EPS8: variants seen among roughly 807,000 people sequenced by gnomAD.
The protein encoded by EPS8 is epidermal growth factor receptor kinase substrate 8.
Under a neutral mutation model 103.8 loss-of-function variants are expected in EPS8, and 42 were observed. The ratio of observed to expected loss-of-function variants is 0.40; its 90% CI spans 0.32 to 0.52. The LOEUF is 0.52. Among genes scored for constraint, EPS8 ranks in the 20% least tolerant of loss-of-function variants. The pLI, the probability that EPS8 is intolerant of heterozygous loss-of-function variation, is 0.40. For missense variants in EPS8, 969 were observed against 1,005.1 expected, an observed-to-expected ratio of 0.96 and a Z score of 0.49; for synonymous variants, 344 against 344.6, an observed-to-expected ratio of 1.00 and a Z score of 0.02.
rs1947230615 is a variant in EPS8, at chr12:15,778,603, T to C, written c.-22+10558A>G. ...CAGTAAGGACAACTCAATCTGAAGA[T>C]AGGGTTTCAAAAATTCACATTCCTG... On this transcript the variant is annotated intron_variant, in intron 1 of 20. Coordinates refer to ENST00000281172, the MANE Select transcript of EPS8 (RefSeq NM_004447.6). This position sits in a 1 kb window ranked among gnomAD's most constrained non-coding sequence, Gnocchi z 4.5. Among the ~76,000 whole-genome samples the C allele has an allele frequency of 6.6e-6, 1 of 152,202 alleles. No individual in the cohort carries two copies. The highest frequency in any genetic ancestry group is 1.5e-5 in the Non-Finnish European group (1 of 68,042).
chr12:15,757,480 A>C lies in EPS8; in HGVS notation c.-22+31681T>G, dbSNP rs537294810. 6.6e-6 allele frequency among the ~76,000 whole-genome samples: 1 copy of C among 152,106 alleles called. No homozygotes were observed. The highest frequency in any genetic ancestry group is 1.9e-4 in the East Asian group (1 of 5,188). ...CTCATCTCTACTAAAAAATACAAAA[A>C]TTAGCTAGGCGTGGTGGCGCATGCC... is the stretch of plus-strand genomic sequence containing the variant. On this transcript the variant is annotated intron_variant, in intron 1 of 20. Transcript: ENST00000281172. This position sits in a 1 kb window ranked among gnomAD's most constrained non-coding sequence, Gnocchi z 4.1.
chr12:15,669,576 T>A, intron 5 of EPS8, 40 bp from the exon 6 acceptor site: 1 of 1,568,800 alleles, frequency 6.4e-7, no homozygotes, highest in Non-Finnish European at 8.7e-7. Context: ...CAAACTTCCA[T>A]CCATTTTCAA....
intron 1 of EPS8, among the ~76,000 whole-genome samples, chr12:15,766,555 G>A (rs1056740414): frequency 6.6e-6 from 1 of 151,482 alleles, no homozygotes; most frequent in African/African-American, 2.4e-5. Context: ...TGGGGCTCCT[G>A]TAATCCCAGC....
In EPS8 at chr12:15,787,795, A is replaced by G. The variant is rs1947325820; in HGVS notation, c.-22+1366T>C. Among the ~76,000 whole-genome samples, 1 of 152,160 alleles carries G rather than the reference A, an allele frequency of 6.6e-6. No individual in the cohort carries two copies. Among genetic ancestry groups the G allele is most frequent in the Non-Finnish European group, 1.5e-5 (1 of 68,030 alleles). On this transcript the variant is annotated intron_variant, in intron 1 of 20. Transcript: ENST00000281172. The surrounding 1 kb of genome is among the most constrained non-coding windows in gnomAD (Gnocchi z 4.9). Reference sequence around the variant, plus strand: ...CTTACCCTTTATGTGACAATTCTATACTGTTTTAACTGTCAAATTGTAAGT... The same window carrying G: ...CTTACCCTTTATGTGACAATTCTATGCTGTTTTAACTGTCAAATTGTAAGT...
At chr12:15,660,425 G>A (rs913085024) in intron 10 of EPS8, among the ~76,000 whole-genome samples, 189 bp downstream of exon 10, 1 of 152,008 alleles carries the variant, frequency 6.6e-6, no homozygotes, top group South Asian at 2.1e-4. Context: ...CACCATGCCC[G>A]GCTAATTTTT....
chr12:15,753,561 G>A (rs1946955253), intron 1 of EPS8, among the ~76,000 whole-genome samples: 1 of 151,852 alleles, frequency 6.6e-6, no homozygotes, highest in Admixed American at 6.6e-5. Context: ...TTCCATTTGA[G>A]GGAGACCTTG....
chr12:15,766,943 A>G (rs896785439), intron 1 of EPS8, among the ~76,000 whole-genome samples: 1 of 152,198 alleles, frequency 6.6e-6, no homozygotes, highest in Non-Finnish European at 1.5e-5. Flanking sequence ...AGCAGGTCTC[A>G]CATTTTAAGA....
intron 3 of EPS8, among the ~76,000 whole-genome samples, chr12:15,674,109 T>C (rs1945862348): frequency 1.3e-5 from 2 of 152,216 alleles, no homozygotes. Flanking sequence ...GTTAATTAGT[T>C]GAACTACAAG....
chr12:15,629,392 G>A (rs1013253945), intron 18 of EPS8, among the ~76,000 whole-genome samples: 5 of 152,144 alleles, frequency 3.3e-5, no homozygotes, highest in Non-Finnish European at 7.3e-5. Context: ...ACGTCTCTAC[G>A]GAGGGAAATG....
chr12:15,782,990 C>T (rs76771230), intron 1 of EPS8, among the ~76,000 whole-genome samples: 33 of 152,234 alleles, frequency 2.2e-4, no homozygotes, highest in Non-Finnish European at 4.4e-4. Flanking sequence ...TGGTACAATA[C>T]CATAAACCTT....
intron 1 of EPS8, among the ~76,000 whole-genome samples, chr12:15,737,540 T>A (rs1001896570): frequency 6.6e-6 from 1 of 152,176 alleles, no homozygotes; most frequent in Non-Finnish European, 1.5e-5. Flanking sequence ...ACTCATTTAA[T>A]CCTCACAATG....
intron 1 of EPS8, among the ~76,000 whole-genome samples, chr12:15,709,421 C>T (rs1411098072): frequency 6.6e-6 from 1 of 151,868 alleles, no homozygotes; most frequent in African/African-American, 2.4e-5. Context: ...CTAATTACAC[C>T]ACGTGTCAAG....
At position 15,666,011 on chromosome 12, in the gene EPS8, G is replaced by A. The variant is rs111906764; in HGVS notation, c.600-119C>T. 1.1e-3 allele frequency: 1,193 copies of A among 1,049,314 alleles called. 2 individuals carry two copies. The highest frequency in any genetic ancestry group is 1.4e-3 in the Non-Finnish European group (981 of 724,450). 65.0% of individuals were successfully genotyped at this position (1,049,314 alleles called of 1,614,324 possible). ...AAAGAACTATGTCAAGGGACAATAAGGATTTCCTAAGCATTACACATTATG... is the reference window on the plus strand; with the variant it reads ...AAAGAACTATGTCAAGGGACAATAAAGATTTCCTAAGCATTACACATTATG... On this transcript the variant is annotated intron_variant, in intron 7 of 20. Transcript: ENST00000281172.
intron 14 of EPS8, among the ~76,000 whole-genome samples, chr12:15,648,521 A>T (rs1189491386): frequency 6.6e-6 from 1 of 152,208 alleles, no homozygotes; most frequent in Non-Finnish European, 1.5e-5. Flanking sequence ...ATAAAAATAA[A>T]CAAGTTTCAG....
chr12:15,624,231 G>A lies in EPS8; in HGVS notation c.2221C>T (p.Pro741Ser). The change falls in exon 19 of 21, where the codon CCT (proline) becomes TCT (serine). Residue 741 changes from proline to serine, a missense_variant. By Grantham distance (74) the Pro-to-Ser change is moderately conservative (BLOSUM62 -1). Coordinates refer to ENST00000281172, the MANE Select transcript of EPS8 (RefSeq NM_004447.6). The part of the protein sequence containing the change: ...KTWLQSKGFN[P>S]VTVNSLGVLN... ...AGTATTCACAGAGAGACTCACACAG[G>A]GTTGAATCCCTTTGACTGTAACCAC... 3.1e-6 allele frequency: 5 copies of A among 1,612,648 alleles called. No homozygotes were observed. The highest frequency in any genetic ancestry group is 4.2e-6 in the Non-Finnish European group (5 of 1,179,340).
At chr12:15,773,059 A>G (rs897602166) in intron 1 of EPS8, among the ~76,000 whole-genome samples, 3 of 152,194 alleles carry the variant, frequency 2.0e-5, no homozygotes, top group African/African-American at 7.2e-5. Flanking sequence ...GAAACCATAG[A>G]CATTAAGCTT....
chr12:15,627,261 C>T (rs1944964696), intron 18 of EPS8, among the ~76,000 whole-genome samples: 1 of 152,100 alleles, frequency 6.6e-6, no homozygotes, highest in Non-Finnish European at 1.5e-5. Context: ...ACCTTGGCCT[C>T]CCAAAGTGCT....
At chr12:15,648,420 T>C (rs1294927731) in intron 14 of EPS8, among the ~76,000 whole-genome samples, 1 of 152,202 alleles carries the variant, frequency 6.6e-6, no homozygotes, top group East Asian at 1.9e-4. Flanking sequence ...TTACCACAGT[T>C]AATTCTAATG....
chr12:15,636,063 AC>A (rs1250177325), intron 17 of EPS8, among the ~76,000 whole-genome samples: 1 of 152,164 alleles, frequency 6.6e-6, no homozygotes, highest in African/African-American at 2.4e-5. Context: ...CTTGGCATAT[AC>A]CTTGCAAATT....
Sources: gnomAD v4.1 joint callset for allele counts (sites outside exome capture counted in the v4.1 genomes callset) on GRCh38, gnomAD v4.1.1 for gene constraint, Gnocchi (gnomAD v3.1) non-coding constraint, MANE v1.5 for transcripts, NCBI Gene and HGNC (gene_info 2026-07-23, HGNC 2026-07-21) for gene names.